Variants in CHST11 observed in about 807,000 individuals in gnomAD.
CHST11 encodes the protein carbohydrate sulfotransferase 11.
Under a neutral mutation model 30.4 loss-of-function variants are expected in CHST11, and 9 were observed. That is an observed-to-expected ratio of 0.30 (90% CI 0.18 to 0.52). The LOEUF is 0.52. Ranked by LOEUF, CHST11 falls within the 20% of genes least tolerant of loss-of-function variation. The pLI, the probability that CHST11 is intolerant of heterozygous loss-of-function variation, is 0.97. For missense variants in CHST11, 348 were observed against 460.6 expected, an observed-to-expected ratio of 0.76 and a Z score of 2.24; for synonymous variants, 152 against 187.8, an observed-to-expected ratio of 0.81 and a Z score of 1.56.
intron 2 of CHST11, among the ~76,000 whole-genome samples, chr12:104,680,351 A>T (rs772307381): frequency 9.1e-4 from 139 of 152,242 alleles, no homozygotes; most frequent in Non-Finnish European, 3.4e-4. Flanking sequence ...GTGCAAGGGC[A>T]CCACAGCAGA....
In CHST11 at chr12:104,563,021, GT is replaced by G. The variant is rs142235903; in HGVS notation, c.119-38877del. ...CCTCATAGAGGGTTGTTGTGAAGTG[GT>G]TTTTTTTGTTGTTGTTGTTTGTTTG... On this transcript the variant is annotated intron_variant, in intron 1 of 2. Transcript: ENST00000303694. Among the ~76,000 whole-genome samples the G allele has an allele frequency of 2.6e-5, 4 of 151,884 alleles. 1 individual carries two copies. The highest frequency in any genetic ancestry group is 2.0e-4 in the Admixed American group (3 of 15,224).
In CHST11 at chr12:104,676,808, C is replaced by A. The variant is rs924046005; in HGVS notation, c.204+74817C>A. Among the ~76,000 whole-genome samples the A allele has an allele frequency of 2.6e-5, 4 of 152,208 alleles. No individual in the cohort carries two copies. The highest frequency in any genetic ancestry group is 9.6e-5 in the African/African-American group (4 of 41,456). On this transcript the variant is annotated intron_variant, in intron 2 of 2. Coordinates refer to ENST00000303694, the MANE Select transcript of CHST11 (RefSeq NM_018413.6). The surrounding 1 kb of genome is among the most constrained non-coding windows in gnomAD (Gnocchi z 4.4). ...ACCGCAGCTGCAAATTCTCCTTTTG[C>A]CATGGAAGGTCACATTCACAGGTTC...
intron 1 of CHST11, among the ~76,000 whole-genome samples, chr12:104,536,569 G>A (rs2038239271): frequency 6.6e-6 from 1 of 152,154 alleles, no homozygotes; most frequent in South Asian, 2.1e-4. Context: ...TCCTTTGATC[G>A]GGAGGAGTCT....
At chr12:104,544,131 A>AT in intron 1 of CHST11, among the ~76,000 whole-genome samples, 10 of 73,304 alleles carry the variant, frequency 1.4e-4, no homozygotes, top group African/African-American at 4.3e-4. Context: ...CTGTTAAAAA[A>AT]AAAAAAAAAA....
intron 2 of CHST11, among the ~76,000 whole-genome samples, chr12:104,707,119 C>T (rs1441395915): frequency 6.6e-6 from 1 of 152,232 alleles, no homozygotes; most frequent in Non-Finnish European, 1.5e-5. Context: ...ACCCTGCTAC[C>T]ACCTGAAATG....
Position 104,732,047 on chromosome 12 carries a change from A to G in CHST11, c.205-24902A>G, listed in dbSNP as rs139480755. ...CTGTCCTAGGGCAGGAGAAACTGCA[A>G]CCAGCTCCACAGCTATGCTCGGTCC... On this transcript the variant is annotated intron_variant, in intron 2 of 2. Transcript: ENST00000303694. Among the ~76,000 whole-genome samples the G allele has an allele frequency of 7.3e-3, 1,106 of 152,344 alleles. 5 individuals are homozygous for G. Among genetic ancestry groups the G allele is most frequent in the Non-Finnish European group, 0.012 (796 of 68,032 alleles).
chr12:104,599,578 A>G (rs1185762616), intron 1 of CHST11, among the ~76,000 whole-genome samples: 3 of 152,272 alleles, frequency 2.0e-5, no homozygotes, highest in Non-Finnish European at 4.4e-5. Flanking sequence ...AAAGAAAAAC[A>G]CAACATAGAA....
intron 1 of CHST11, among the ~76,000 whole-genome samples, chr12:104,518,749 C>T (rs2038049002): frequency 6.6e-6 from 1 of 152,110 alleles, no homozygotes; most frequent in African/African-American, 2.4e-5. Flanking sequence ...TGCAGTCTTC[C>T]AAGCTGCATA....
At chr12:104,529,109 T>C (rs1300791900) in intron 1 of CHST11, among the ~76,000 whole-genome samples, 1 of 152,206 alleles carries the variant, frequency 6.6e-6, no homozygotes, top group Non-Finnish European at 1.5e-5. Flanking sequence ...TGGACAAGTC[T>C]CTGCCTGAGC....
rs75657303 is a variant in CHST11, at chr12:104,585,655, C to T, written c.119-16251C>T. Among the ~76,000 whole-genome samples the T allele has an allele frequency of 4.6e-3, 699 of 152,294 alleles. 9 individuals carry two copies. The highest frequency in any genetic ancestry group is 0.016 in the African/African-American group (679 of 41,542). On this transcript the variant is annotated intron_variant, in intron 1 of 2. Transcript: ENST00000303694. The stretch of plus-strand genomic sequence containing the variant: ...TGTCAAGGACACACAAGATGGGAAC[C>T]CATGTGTATCAGTTTGCTAGGGCTG...
intron 2 of CHST11, among the ~76,000 whole-genome samples, chr12:104,692,336 A>C (rs759971063): frequency 6.6e-6 from 1 of 152,200 alleles, no homozygotes; most frequent in Non-Finnish European, 1.5e-5. Context: ...TACCACCTTC[A>C]AGACATTGCA....
At chr12:104,635,595 A>G (rs1026369196) in intron 2 of CHST11, among the ~76,000 whole-genome samples, 12 of 152,204 alleles carry the variant, frequency 7.9e-5, no homozygotes, top group Non-Finnish European at 1.3e-4. Flanking sequence ...CCGTTTTCCA[A>G]CATTTGGTGG....
At chr12:104,488,005 C>G (rs1277498174) in intron 1 of CHST11, among the ~76,000 whole-genome samples, 3 of 152,010 alleles carry the variant, frequency 2.0e-5, no homozygotes, top group African/African-American at 7.3e-5. Flanking sequence ...AACTCCTGGG[C>G]TCAAGCAATC....
intron 2 of CHST11, among the ~76,000 whole-genome samples, chr12:104,653,025 G>A (rs1425164980): frequency 1.3e-5 from 2 of 152,056 alleles, no homozygotes; most frequent in Admixed American, 6.6e-5. Flanking sequence ...ATGTGCCATC[G>A]TAACCATTTT....
intron 1 of CHST11, among the ~76,000 whole-genome samples, chr12:104,601,495 A>G (rs537845304): frequency 3.0e-4 from 45 of 152,380 alleles, no homozygotes; most frequent in African/African-American, 1.1e-3. Flanking sequence ...TTCAGGGACA[A>G]GGAATGAAAG....
rs191820816 is a variant in CHST11 at position 104,640,526 on chromosome 12, G to A, written c.204+38535G>A. 2.5e-4 allele frequency among the ~76,000 whole-genome samples: 38 copies of A among 152,288 alleles called. No homozygotes were observed. The East Asian group carries it at 6.6e-3, about 26-fold the overall frequency. On this transcript the variant is annotated intron_variant, in intron 2 of 2. Transcript: ENST00000303694. ...ACTATATGACATTCTGTAAAAGTTGGCAAATGTCTGTAAACAGCAGTAAAT... is the reference window on the plus strand; with the variant it reads ...ACTATATGACATTCTGTAAAAGTTGACAAATGTCTGTAAACAGCAGTAAAT...
At chr12:104,476,364 G>T (rs998020351) in intron 1 of CHST11, among the ~76,000 whole-genome samples, 2 of 151,386 alleles carry the variant, frequency 1.3e-5, no homozygotes, top group Non-Finnish European at 1.5e-5. Context: ...TGTAATATAT[G>T]TGTGTATATA....
intron 1 of CHST11, among the ~76,000 whole-genome samples, chr12:104,509,653 C>T (rs1300343339): frequency 6.6e-6 from 1 of 152,150 alleles, no homozygotes; most frequent in East Asian, 1.9e-4. Flanking sequence ...GGCCCCCGCC[C>T]CCACAACCAT....
At chr12:104,668,493 G>T (rs1383702110) in intron 2 of CHST11, among the ~76,000 whole-genome samples, 1 of 152,196 alleles carries the variant, frequency 6.6e-6, no homozygotes, top group Non-Finnish European at 1.5e-5. Flanking sequence ...TCCCTGAGCT[G>T]CAGCTGACCA....
Sources: gnomAD v4.1 joint callset for allele counts (sites outside exome capture counted in the v4.1 genomes callset) on GRCh38, gnomAD v4.1.1 for gene constraint, Gnocchi (gnomAD v3.1) non-coding constraint, MANE v1.5 for transcripts, NCBI Gene and HGNC (gene_info 2026-07-23, HGNC 2026-07-21) for gene names.